RASSF8: variants seen among roughly 807,000 people sequenced by gnomAD.
The protein encoded by RASSF8 is ras association domain-containing protein 8.
Under a neutral mutation model 48.5 loss-of-function variants are expected in RASSF8, and 22 were observed. The ratio of observed to expected loss-of-function variants is 0.45; its 90% CI spans 0.32 to 0.65. The LOEUF (loss-of-function observed/expected upper bound fraction) is 0.65. Among genes scored for constraint, RASSF8 ranks in the 30% least tolerant of loss-of-function variants. The pLI is 0.03. For synonymous variants in RASSF8, 127 were observed against 171.5 expected (o/e 0.74, Z 2.03); for missense variants, 418 against 489.2 (o/e 0.85, Z 1.37).
chr12:25,975,325 C>A (rs563270893), intron 1 of RASSF8, among the ~76,000 whole-genome samples: 7 of 152,166 alleles, frequency 4.6e-5, no homozygotes, highest in Admixed American at 1.3e-4. Flanking sequence ...GGAATACTTA[C>A]CCACCCCACC....
At chr12:26,042,666 CTTTTA>C (rs914264666) in intron 2 of RASSF8, among the ~76,000 whole-genome samples, 2 of 151,926 alleles carry the variant, frequency 1.3e-5, no homozygotes, top group African/African-American at 4.8e-5. Flanking sequence ...TTTTCTGCCT[CTTTTA>C]TAAGTATGAT....
In RASSF8 at chr12:26,067,085, C is replaced by A. The variant is rs114083039; in HGVS notation, c.994-484C>A. Among the ~76,000 whole-genome samples the A allele has an allele frequency of 3.4e-3, 511 of 152,274 alleles. 6 individuals carry two copies. Among genetic ancestry groups the A allele is most frequent in the African/African-American group, 0.012 (486 of 41,550 alleles). ...AAACAAGAACTCTAAATCCATGGAA[C>A]AAATTACAATTAACTTTGTAGTTAT... On this transcript the variant is annotated intron_variant, in intron 4 of 5. Coordinates refer to ENST00000689635, the MANE Select transcript of RASSF8 (RefSeq NM_001394098.1).
chr12:26,012,840 A>G (rs1391002491), intron 2 of RASSF8, among the ~76,000 whole-genome samples: 1 of 151,750 alleles, frequency 6.6e-6, no homozygotes, highest in Non-Finnish European at 1.5e-5. Flanking sequence ...ATGCCCACGT[A>G]ATTTTTAAAT....
chr12:26,072,584 C>T lies in RASSF8; in HGVS notation c.*3766C>T, dbSNP rs1221284533. ...ATTTACAGCCAGACATGGTGATAGC[C>T]CTAAATGTATTTCTCAATATGTTTT... On this transcript the variant is annotated 3_prime_UTR_variant, in exon 6 of 6. Coordinates refer to ENST00000689635, the MANE Select transcript of RASSF8 (RefSeq NM_001394098.1). 1 of 984,998 alleles carries T rather than the reference C, an allele frequency of 1.0e-6. No individual in the cohort carries two copies. The highest frequency in any genetic ancestry group is 6.2e-5 in the Admixed American group (1 of 16,236). The allele number at this position is 984,998 out of a possible 1,614,324, so 61.0% of individuals were successfully genotyped here.
At chr12:25,987,888 G>C (rs954196071) in intron 1 of RASSF8, among the ~76,000 whole-genome samples, 15 of 151,930 alleles carry the variant, frequency 9.9e-5, no homozygotes, top group African/African-American at 3.6e-4. Flanking sequence ...ATCTCACTCT[G>C]TCACCCAGGC....
rs149142399 is a variant in RASSF8, at chr12:25,981,335, G to C, written c.-202-13702G>C. Among the ~76,000 whole-genome samples the C allele has an allele frequency of 9.3e-3, 1,417 of 152,192 alleles. 77 individuals carry two copies. The highest frequency in any genetic ancestry group is 0.087 in the Admixed American group (1,330 of 15,270). On this transcript the variant is annotated intron_variant, in intron 1 of 5. Coordinates refer to ENST00000689635, the MANE Select transcript of RASSF8 (RefSeq NM_001394098.1). ...GCAGTTTATATAGCATTTTCACTTA[G>C]TGTCCCCCTGCTCAACAGTCTCCAT... is the stretch of plus-strand genomic sequence containing the variant.
intron 4 of RASSF8, among the ~76,000 whole-genome samples, chr12:26,067,362 T>TC (rs1943898432): frequency 6.6e-6 from 1 of 152,182 alleles, no homozygotes; most frequent in African/African-American, 2.4e-5. Flanking sequence ...ACTGTTGTCT[T>TC]CCCTTGGCTT....
rs889641772 is a variant in RASSF8 at position 26,071,694 on chromosome 12, A to G, written c.*2876A>G. 15 of 982,848 alleles carry G rather than the reference A, an allele frequency of 1.5e-5. No homozygotes were observed. The highest frequency in any genetic ancestry group is 1.8e-5 in the Non-Finnish European group (15 of 827,726). 60.9% of individuals were successfully genotyped at this position (982,848 alleles called of 1,614,324 possible). A position where few individuals can be genotyped will look rare whatever the true frequency, so the allele number is the denominator to read the frequency against. ...ATATGAGACTTCAGTTGGTATTAATAGGAGTTACCTATTTAATTCTCCCAG... is the reference window on the plus strand; with the variant it reads ...ATATGAGACTTCAGTTGGTATTAATGGGAGTTACCTATTTAATTCTCCCAG... On this transcript the variant is annotated 3_prime_UTR_variant, in exon 6 of 6. Transcript: ENST00000689635.
intron 1 of RASSF8, among the ~76,000 whole-genome samples, chr12:25,965,820 C>G (rs1193412754): frequency 6.6e-6 from 1 of 152,150 alleles, no homozygotes; most frequent in Non-Finnish European, 1.5e-5. Context: ...TTCTTAAACT[C>G]AGAATAATGG....
intron 2 of RASSF8, among the ~76,000 whole-genome samples, chr12:26,038,951 C>G (rs1009804593): frequency 1.2e-4 from 18 of 152,128 alleles, no homozygotes; most frequent in Non-Finnish European, 1.0e-4. Context: ...CCTTATTTTT[C>G]TAGAAAATGT....
chr12:26,027,765 C>G (rs978748895), intron 2 of RASSF8, among the ~76,000 whole-genome samples: 2 of 152,124 alleles, frequency 1.3e-5, no homozygotes, highest in Non-Finnish European at 2.9e-5. Flanking sequence ...GTTGTTGAAG[C>G]CATGAGTGTT....
chr12:26,002,652 G>A (rs1942289409), intron 2 of RASSF8, among the ~76,000 whole-genome samples: 1 of 152,062 alleles, frequency 6.6e-6, no homozygotes, highest in African/African-American at 2.4e-5. Context: ...GCGCACACCT[G>A]TAATTTCAGC....
intron 2 of RASSF8, among the ~76,000 whole-genome samples, chr12:26,049,994 A>G (rs1359223358): frequency 6.6e-6 from 1 of 152,118 alleles, no homozygotes; most frequent in African/African-American, 2.4e-5. Flanking sequence ...TGTGTTAGTC[A>G]GGATGGTCTT....
chr12:26,020,076 G>A (rs781603867), intron 2 of RASSF8: 1 of 151,992 alleles, frequency 6.6e-6, no homozygotes, highest in Non-Finnish European at 1.5e-5. Flanking sequence ...ACTGTATATA[G>A]CAAAATAAAT....
intron 1 of RASSF8, among the ~76,000 whole-genome samples, chr12:25,980,865 G>T (rs1941724954): frequency 6.6e-6 from 1 of 152,134 alleles, no homozygotes; most frequent in African/African-American, 2.4e-5. Flanking sequence ...TTCCTCTTAA[G>T]AAAAAGTATA....
rs945052319 is a variant in RASSF8 at position 25,976,940 on chromosome 12, G to A, written c.-203+17792G>A. On this transcript the variant is annotated intron_variant, in intron 1 of 5. Transcript: ENST00000689635. ...TGAATTTAGCCTATAATTCTAAGACGTTTCCCTGGTCCACAGTTTATCCCC... is the reference window on the plus strand; with the variant it reads ...TGAATTTAGCCTATAATTCTAAGACATTTCCCTGGTCCACAGTTTATCCCC... 7.2e-5 allele frequency among the ~76,000 whole-genome samples: 11 copies of A among 152,088 alleles called. 1 individual carries two copies. The highest frequency in any genetic ancestry group is 5.2e-4 in the Admixed American group (8 of 15,266).
At chr12:25,971,253 T>C (rs1000554804) in intron 1 of RASSF8, among the ~76,000 whole-genome samples, 6 of 152,332 alleles carry the variant, frequency 3.9e-5, no homozygotes, top group Admixed American at 1.3e-4. Context: ...GCATTAAAAC[T>C]CTCTGGAAAC....
At chr12:25,997,686 C>T (rs1378078384) in intron 2 of RASSF8, among the ~76,000 whole-genome samples, 1 of 152,078 alleles carries the variant, frequency 6.6e-6, no homozygotes, top group Non-Finnish European at 1.5e-5. Flanking sequence ...AGGGGGGTGA[C>T]ATTTTCTGTA....
chr12:26,004,998 TA>T (rs71065997), intron 2 of RASSF8, among the ~76,000 whole-genome samples: 7 of 151,094 alleles, frequency 4.6e-5, no homozygotes, highest in African/African-American at 1.7e-4. Context: ...TACAAAAAGT[TA>T]AAAAAAAATG....
Sources: allele counts gnomAD v4.1 joint callset (sites outside exome capture counted in the v4.1 genomes callset), GRCh38; gene constraint gnomAD v4.1.1; transcripts MANE v1.5; gene names NCBI Gene and HGNC (gene_info 2026-07-23, HGNC 2026-07-21).